The following UNC5D variants were observed in gnomAD, a reference collection of about 807,000 sequenced individuals.
The protein encoded by UNC5D is unc-5 netrin receptor D.
A neutral mutation model predicts 105.4 loss-of-function variants in UNC5D; 39 were observed. That is an observed-to-expected ratio of 0.37 (90% CI 0.29 to 0.48). UNC5D has a LOEUF of 0.48. UNC5D is among the 20% of genes least tolerant of loss of function. The pLI is 0.98. For missense variants in UNC5D, 991 were observed against 1,202.4 expected (o/e 0.82, Z 2.60); for synonymous variants, 452 against 450.4 (o/e 1.00, Z -0.04).
In UNC5D at chr8:35,324,233, C is replaced by CAA. The variant is rs569409228; in HGVS notation, c.103+88366_103+88367dup. On this transcript the variant is annotated intron_variant, in intron 1 of 16. Transcript: ENST00000404895. ...AGGCAACAGAGCAAGACCCTGTCTC[C>CAA]AAAAAAAAAAAAAAAAAAAAAGTGA... Among the ~76,000 whole-genome samples, 568 of 62,764 alleles carry CAA rather than the reference C, an allele frequency of 9.0e-3. 13 individuals are homozygous for CAA. Among genetic ancestry groups the CAA allele is most frequent in the African/African-American group, 0.035 (546 of 15,592 alleles). 41.2% of individuals were successfully genotyped at this position (62,764 alleles called of 152,430 possible).
intron 1 of UNC5D, among the ~76,000 whole-genome samples, chr8:35,527,925 C>T (rs1347512780): frequency 2.0e-5 from 3 of 151,498 alleles, no homozygotes; most frequent in African/African-American, 4.9e-5. Context: ...CTAACAGCAG[C>T]GAATTGAGCA....
intron 4 of UNC5D, among the ~76,000 whole-genome samples, chr8:35,641,019 A>G (rs1822676407): frequency 6.6e-6 from 1 of 152,018 alleles, no homozygotes; most frequent in Admixed American, 6.6e-5. Flanking sequence ...TTTATAAGAC[A>G]GCTTTTTTAG....
Position 35,490,554 on chromosome 8 carries a change from G to A in UNC5D, c.104-58738G>A, listed in dbSNP as rs1000874886. ...AAAAAAAAAATTAAAAAAGAATTTC[G>A]GGCCTTCATGGAAGAGAACTTTCAA... On this transcript the variant is annotated intron_variant, in intron 1 of 16. Coordinates refer to ENST00000404895, the MANE Select transcript of UNC5D (RefSeq NM_080872.4). Among the ~76,000 whole-genome samples, 3 of 151,840 alleles carry A rather than the reference G, an allele frequency of 2.0e-5. No homozygotes were observed. The East Asian group carries it at 5.8e-4, about 29-fold the overall frequency.
chr8:35,554,133 T>C (rs1211228919), intron 2 of UNC5D, among the ~76,000 whole-genome samples: 2 of 152,188 alleles, frequency 1.3e-5, no homozygotes, highest in Non-Finnish European at 2.9e-5. Flanking sequence ...GAATCTTTCG[T>C]GTTCCTAAAT....
chr8:35,253,736 G>T (rs1276491041), intron 1 of UNC5D, among the ~76,000 whole-genome samples: 1 of 151,806 alleles, frequency 6.6e-6, no homozygotes, highest in Non-Finnish European at 1.5e-5. Context: ...TGATCCGCCC[G>T]CCTCGGCCTC....
At chr8:35,353,306 A>G (rs1310668611) in intron 1 of UNC5D, among the ~76,000 whole-genome samples, 3 of 152,204 alleles carry the variant, frequency 2.0e-5, no homozygotes, top group Admixed American at 1.3e-4. Context: ...GACATTTACA[A>G]TTGTAACAGT....
Position 35,726,221 on chromosome 8 carries a change from T to C in UNC5D, c.1373T>C (p.Ile458Thr), listed in dbSNP as rs1260896705. Reference protein sequence around the residue: ...LTVSRTYSGPICLQDPLDKEL... With the variant: ...LTVSRTYSGPTCLQDPLDKEL... Reference sequence around the variant, plus strand: ...GTGAGCCGGACATACAGCGGACCCATCTGTCTGCAGGACCCTCTGGACAAG... The same window carrying C: ...GTGAGCCGGACATACAGCGGACCCACCTGTCTGCAGGACCCTCTGGACAAG... Residue 458 changes from isoleucine to threonine, a missense_variant, in exon 10 of 17, where the codon ATC becomes ACC. Ile to Thr is a moderately conservative substitution (Grantham distance 89). This residue lies in a region of UNC5D where 944 missense variants were observed against 1,131.6 expected (regional missense o/e 0.83). Transcript: ENST00000404895. 2.5e-6 allele frequency: 4 copies of C among 1,614,046 alleles called. No homozygotes were observed. The African/African-American group carries it at 4.0e-5, about 16-fold the overall frequency.
At chr8:35,733,756 T>C (rs1829316729) in intron 11 of UNC5D, among the ~76,000 whole-genome samples, 1 of 152,160 alleles carries the variant, frequency 6.6e-6, no homozygotes. Flanking sequence ...GTGGAACTGG[T>C]ATGTTAAATC....
At chr8:35,658,681 T>C (rs936626687) in intron 4 of UNC5D, among the ~76,000 whole-genome samples, 34 of 130,078 alleles carry the variant, frequency 2.6e-4, no homozygotes, top group African/African-American at 9.6e-4. Context: ...AGATGGAGTC[T>C]CACTCTGTCG....
intron 1 of UNC5D, among the ~76,000 whole-genome samples, chr8:35,453,446 C>A (rs1808294931): frequency 6.6e-6 from 1 of 152,148 alleles, no homozygotes; most frequent in African/African-American, 2.4e-5. Flanking sequence ...TTTCTGGCAA[C>A]CCCTGGTCAC....
chr8:35,445,674 G>A (rs1191530664), intron 1 of UNC5D, among the ~76,000 whole-genome samples: 1 of 152,046 alleles, frequency 6.6e-6, no homozygotes, highest in African/African-American at 2.4e-5. Context: ...AGTCTAAAGT[G>A]TAGTCCCTCC....
intron 13 of UNC5D, among the ~76,000 whole-genome samples, chr8:35,753,361 C>T (rs566642602): frequency 4.1e-4 from 62 of 152,204 alleles, no homozygotes; most frequent in African/African-American, 1.3e-3. Context: ...CTCCACCTCC[C>T]GGGTTCACGC....
At chr8:35,699,773 C>A (rs1243097820) in intron 7 of UNC5D, among the ~76,000 whole-genome samples, 3 of 152,068 alleles carry the variant, frequency 2.0e-5, no homozygotes, top group Non-Finnish European at 2.9e-5. Flanking sequence ...TAACCTAGTA[C>A]TAAGTGGGAT....
At chr8:35,284,405 T>C (rs28670094) in intron 1 of UNC5D, among the ~76,000 whole-genome samples, 7,560 of 152,260 alleles carry the variant, frequency 0.05, 211 homozygotes, top group African/African-American at 0.077. Flanking sequence ...TCCATCTAAA[T>C]CCCAGACTTA....
chr8:35,427,407 C>T (rs1488735617), intron 1 of UNC5D, among the ~76,000 whole-genome samples: 2 of 152,108 alleles, frequency 1.3e-5, no homozygotes, highest in Non-Finnish European at 2.9e-5. Context: ...CAATGGGTCC[C>T]GAGATTTTCA....
At chr8:35,262,821 G>A (rs779948479) in intron 1 of UNC5D, among the ~76,000 whole-genome samples, 1 of 152,150 alleles carries the variant, frequency 6.6e-6, no homozygotes, top group Non-Finnish European at 1.5e-5. Context: ...GTTCAAGATG[G>A]AATCCTGTGA....
chr8:35,633,518 CG>C (rs934766916), intron 4 of UNC5D, among the ~76,000 whole-genome samples: 5 of 151,788 alleles, frequency 3.3e-5, no homozygotes, highest in African/African-American at 1.2e-4. Context: ...GAGGTCGAGG[CG>C]GGAGGATCTC....
intron 1 of UNC5D, among the ~76,000 whole-genome samples, chr8:35,375,624 T>C (rs987449187): frequency 6.6e-6 from 1 of 152,186 alleles, no homozygotes; most frequent in African/African-American, 2.4e-5. Context: ...GGAATTTCAT[T>C]TGTTACAAAT....
chr8:35,490,402 T>C (rs1165930156), intron 1 of UNC5D, among the ~76,000 whole-genome samples: 1 of 152,078 alleles, frequency 6.6e-6, no homozygotes, highest in Admixed American at 6.6e-5. Context: ...GATGTACTGG[T>C]GCATGCTTGT....
Sources: allele counts gnomAD v4.1 joint callset (sites outside exome capture counted in the v4.1 genomes callset), GRCh38; gene constraint gnomAD v4.1.1; regional missense constraint gnomAD v4.1.1; transcripts MANE v1.5; gene names NCBI Gene and HGNC (gene_info 2026-07-23, HGNC 2026-07-21).